Variants in WDR70 observed in about 807,000 individuals in gnomAD.
WDR70 encodes the protein WD repeat-containing protein 70.
In WDR70, 53 loss-of-function variants were observed where a neutral mutation model predicts 88.6. That is an observed-to-expected ratio of 0.60 (90% confidence interval 0.48 to 0.75). The LOEUF (loss-of-function observed/expected upper bound fraction) is 0.75, where lower values mean the gene tolerates loss of function less well. Ranked by LOEUF, WDR70 falls within the 30% of genes least tolerant of loss-of-function variation. The pLI is 0.00. For missense variants in WDR70, 610 were observed against 823.2 expected (o/e 0.74, Z 3.17); for synonymous variants, 280 against 270.0 (o/e 1.04, Z -0.36).
intron 5 of WDR70, among the ~76,000 whole-genome samples, chr5:37,399,319 G>A (rs1190180761): frequency 2.6e-5 from 4 of 152,092 alleles, no homozygotes; most frequent in African/African-American, 9.7e-5. Flanking sequence ...GTGACAGGAG[G>A]CTGAGGCAGG....
intron 10 of WDR70, among the ~76,000 whole-genome samples, chr5:37,618,765 A>G (rs1399826644): frequency 6.6e-6 from 1 of 152,180 alleles, no homozygotes; most frequent in African/African-American, 2.4e-5. Context: ...GGATTTTAGG[A>G]GAGGAGAGGA....
At chr5:37,420,870 C>T (rs1351822243) in intron 5 of WDR70, among the ~76,000 whole-genome samples, 2 of 152,046 alleles carry the variant, frequency 1.3e-5, no homozygotes, top group African/African-American at 2.4e-5. Flanking sequence ...GCCGAGATCA[C>T]GCCACCACTT....
chr5:37,534,844 A>T (rs1473623627), intron 9 of WDR70, among the ~76,000 whole-genome samples: 1 of 152,086 alleles, frequency 6.6e-6, no homozygotes, highest in Admixed American at 6.6e-5. Flanking sequence ...GTAGACTCCC[A>T]TTATATATAT....
rs1472540343 is a variant in WDR70, at chr5:37,465,305, G to A, written c.687-14529G>A. On this transcript the variant is annotated intron_variant, in intron 7 of 17. Transcript: ENST00000265107. ...TCATCTGCTTTGACACTTTAATCTT[G>A]GACATTGTAGTGAAATGCTTCACAT... is the stretch of plus-strand genomic sequence containing the variant. 2.6e-5 allele frequency among the ~76,000 whole-genome samples: 4 copies of A among 152,002 alleles called. No individual in the cohort carries two copies. In the East Asian group the frequency reaches 7.7e-4, roughly 29 times the overall value.
intron 7 of WDR70, chr5:37,479,354 TTGG>T (rs56166295): frequency 0.59 from 86,716 of 147,570 alleles, 27,101 homozygotes; most frequent in Non-Finnish European, 0.69. Context: ...GGTTGGTTGG[TTGG>T]TGGTGGTTGT....
intron 10 of WDR70, among the ~76,000 whole-genome samples, chr5:37,619,587 G>C (rs1305605471): frequency 6.6e-6 from 1 of 152,150 alleles, no homozygotes; most frequent in Non-Finnish European, 1.5e-5. Flanking sequence ...TATACACAAA[G>C]TAAAGTCTGA....
chr5:37,648,454 C>T (rs991503653), intron 10 of WDR70, among the ~76,000 whole-genome samples: 8 of 151,970 alleles, frequency 5.3e-5, no homozygotes, highest in Admixed American at 3.3e-4. Context: ...ATGATTATCT[C>T]GACATTGACT....
intron 8 of WDR70, among the ~76,000 whole-genome samples, chr5:37,485,609 G>A (rs867499387): frequency 2.6e-5 from 4 of 152,120 alleles, no homozygotes; most frequent in Admixed American, 1.3e-4. Flanking sequence ...TCATTCAGGC[G>A]TGAGTGCTGT....
At chr5:37,514,169 A>G (rs1740806208) in intron 8 of WDR70, among the ~76,000 whole-genome samples, 1 of 150,572 alleles carries the variant, frequency 6.6e-6, no homozygotes, top group Non-Finnish European at 1.5e-5. Context: ...TGTCTATCCC[A>G]TACTCAGCTA....
At chr5:37,437,243 G>A (rs1347665385) in intron 5 of WDR70, among the ~76,000 whole-genome samples, 1 of 152,136 alleles carries the variant, frequency 6.6e-6, no homozygotes, top group Non-Finnish European at 1.5e-5. Context: ...ATGATTTGGA[G>A]TTTCTTATTT....
Position 37,753,176 on chromosome 5 carries a change from A to G in WDR70, c.*603A>G, listed in dbSNP as rs1039834281. Reference sequence around the variant, plus strand: ...ACTTCTGGGTCATCTTAAGAGAGTTATTTAACTTTTCTTTTCTAGCCTCAG... The same window carrying G: ...ACTTCTGGGTCATCTTAAGAGAGTTGTTTAACTTTTCTTTTCTAGCCTCAG... On this transcript the variant is annotated 3_prime_UTR_variant, in exon 18 of 18. Coordinates refer to ENST00000265107, the MANE Select transcript of WDR70 (RefSeq NM_018034.4). 1 of 152,206 alleles carries G rather than the reference A, an allele frequency of 6.6e-6. No individual in the cohort carries two copies. Among genetic ancestry groups the G allele is most frequent in the African/African-American group, 2.4e-5 (1 of 41,450 alleles). 9.4% of individuals were successfully genotyped at this position (152,206 alleles called of 1,614,324 possible).
intron 8 of WDR70, among the ~76,000 whole-genome samples, chr5:37,487,773 G>T (rs574917086): frequency 5.0e-4 from 76 of 151,306 alleles, no homozygotes; most frequent in Admixed American, 1.6e-3. Flanking sequence ...CTACAGGTAC[G>T]TACCACCACA....
intron 10 of WDR70, among the ~76,000 whole-genome samples, chr5:37,666,049 A>T (rs537761588): frequency 1.1e-4 from 17 of 152,336 alleles, no homozygotes; most frequent in African/African-American, 3.6e-4. Flanking sequence ...GGAAGGAAGC[A>T]TCGGCTCTCT....
At chr5:37,385,165 C>T (rs1414227919) in intron 3 of WDR70, among the ~76,000 whole-genome samples, 2 of 152,084 alleles carry the variant, frequency 1.3e-5, no homozygotes, top group East Asian at 1.9e-4. Context: ...TCTCTGGGTG[C>T]ACCAACTCCC....
intron 5 of WDR70, among the ~76,000 whole-genome samples, chr5:37,434,838 G>A (rs1750421272): frequency 1.3e-5 from 2 of 152,222 alleles, no homozygotes; most frequent in South Asian, 4.1e-4. Flanking sequence ...TTACTTCATC[G>A]AAGTCAAATA....
At chr5:37,639,934 G>A (rs1348149416) in intron 10 of WDR70, among the ~76,000 whole-genome samples, 3 of 152,098 alleles carry the variant, frequency 2.0e-5, no homozygotes, top group Non-Finnish European at 4.4e-5. Flanking sequence ...ACAGCTCACT[G>A]AAATTGGTGT....
intron 5 of WDR70, among the ~76,000 whole-genome samples, chr5:37,397,984 G>A (rs1454031163): frequency 4.3e-5 from 6 of 138,940 alleles, no homozygotes; most frequent in Admixed American, 7.5e-5. Flanking sequence ...TGACAGATTC[G>A]GTCTCAGAAA....
chr5:37,380,291 A>G (rs565672388), intron 2 of WDR70, among the ~76,000 whole-genome samples: 1 of 151,764 alleles, frequency 6.6e-6, no homozygotes. Flanking sequence ...ACTTACACAT[A>G]TTGGCCTTGG....
chr5:37,593,509 A>G (rs970575746), intron 9 of WDR70, among the ~76,000 whole-genome samples: 1 of 152,182 alleles, frequency 6.6e-6, no homozygotes, highest in Non-Finnish European at 1.5e-5. Flanking sequence ...ATAGTATTCC[A>G]TGACGTATAT....
Sources: gnomAD v4.1 joint callset for allele counts (sites outside exome capture counted in the v4.1 genomes callset) on GRCh38, gnomAD v4.1.1 for gene constraint, MANE v1.5 for transcripts, NCBI Gene and HGNC (gene_info 2026-07-23, HGNC 2026-07-21) for gene names.